DPH6: variants seen among roughly 807,000 people sequenced by gnomAD.
DPH6 encodes diphthamine biosynthesis 6, also known as diphthine--ammonia ligase.
A neutral mutation model predicts 38.2 loss-of-function variants in DPH6; 33 were observed. That is an observed-to-expected ratio of 0.86 (90% CI 0.65 to 1.15). The LOEUF (loss-of-function observed/expected upper bound fraction) is 1.15. Among genes scored for constraint, DPH6 ranks in the 50% most tolerant of loss-of-function variants. DPH6 has a pLI of 0.00. For synonymous variants in DPH6, 108 were observed against 103.0 expected (o/e 1.05, Z -0.30); for missense variants, 325 against 320.0 (o/e 1.02, Z -0.12).
chr15:35,369,296 A>C (rs16960826), downstream of DPH6, among the ~76,000 whole-genome samples: 50,265 of 151,630 alleles, frequency 0.33, 9,303 homozygotes, highest in African/African-American at 0.5. Context: ...GATTGATTTT[A>C]AGAGTGGTAT....
At chr15:35,539,039 C>T (rs768895274) in intron 2 of DPH6, among the ~76,000 whole-genome samples, 25 of 151,866 alleles carry the variant, frequency 1.6e-4, no homozygotes, top group Admixed American at 1.1e-3. Flanking sequence ...TACAAATGTG[C>T]ATAGAAATAT....
the DPH6 span, among the ~76,000 whole-genome samples, chr15:35,202,767 C>G: frequency 6.6e-6 from 1 of 151,730 alleles, no homozygotes; most frequent in Non-Finnish European, 1.5e-5. Flanking sequence ...TTTTCAGTAT[C>G]TGGTCATTCA....
At chr15:35,504,252 C>T (rs1212342152) in intron 3 of DPH6, among the ~76,000 whole-genome samples, 1 of 152,016 alleles carries the variant, frequency 6.6e-6, no homozygotes, top group Non-Finnish European at 1.5e-5. Context: ...AAATTACCTT[C>T]TCACTCCTAC....
rs148027150 is a variant in DPH6 at position 35,315,503 on chromosome 15, C to T, written n.200+58018G>A. On this transcript the variant is annotated intron_variant and non_coding_transcript_variant, in intron 3 of 3. Transcript: ENST00000560386. Reference sequence around the variant, plus strand: ...GCAACAGTGACATATTATCTCTCCCCGGTCCAAATGGTTTATGTCAAAAAG... The same window carrying T: ...GCAACAGTGACATATTATCTCTCCCTGGTCCAAATGGTTTATGTCAAAAAG... Among the ~76,000 whole-genome samples the T allele has an allele frequency of 5.5e-3, 844 of 152,278 alleles. 10 individuals are homozygous for T. Among genetic ancestry groups the T allele is most frequent in the African/African-American group, 0.019 (801 of 41,554 alleles).
chr15:35,491,869 T>C (rs1822121516), intron 3 of DPH6, among the ~76,000 whole-genome samples: 1 of 151,230 alleles, frequency 6.6e-6, no homozygotes, highest in South Asian at 2.1e-4. Context: ...TATATGTGTG[T>C]GTATATATAT....
chr15:35,214,510 T>C (rs187703511), downstream of DPH6, among the ~76,000 whole-genome samples: 98 of 152,346 alleles, frequency 6.4e-4, no homozygotes, highest in African/African-American at 2.3e-3. Context: ...GGATATACTG[T>C]TCTACTTTCA....
At chr15:35,460,937 C>T (rs555015787) in intron 3 of DPH6, among the ~76,000 whole-genome samples, 1 of 140,704 alleles carries the variant, frequency 7.1e-6, no homozygotes, top group African/African-American at 2.6e-5. Flanking sequence ...ATTACTAGAA[C>T]TATTTCCACA....
intron 3 of DPH6, among the ~76,000 whole-genome samples, chr15:35,297,064 A>C (rs1275674924): frequency 6.6e-6 from 1 of 152,052 alleles, no homozygotes; most frequent in Non-Finnish European, 1.5e-5. Flanking sequence ...ATCTAAGACT[A>C]ATCACTCCAC....
At chr15:35,315,929 A>G (rs1376106807) in intron 3 of DPH6, among the ~76,000 whole-genome samples, 1 of 152,184 alleles carries the variant, frequency 6.6e-6, no homozygotes, top group Non-Finnish European at 1.5e-5. Context: ...TAAGTGAAAT[A>G]AGCCAAGCCC....
rs774490655 is a variant in DPH6 at position 35,542,464 on chromosome 15, C to G, written c.67G>C (p.Ala23Pro). 4.1e-5 allele frequency: 65 copies of G among 1,580,562 alleles called. No homozygotes were observed. Among genetic ancestry groups the G allele is most frequent in the Non-Finnish European group, 5.1e-5 (59 of 1,153,986 alleles). Reference sequence around the variant, plus strand: ...GCTAAAGCAACGATCTGATGCCCAGCAGCAATGCACTGCATCATATTATAG... The same window carrying G: ...GCTAAAGCAACGATCTGATGCCCAGGAGCAATGCACTGCATCATATTATAG... ...SCYNMMQCIA[A>P]GHQIVALANL... The change falls in exon 2 of 9, where the codon GCT (alanine) becomes CCT (proline). Residue 23 changes from alanine (A) to proline (P), a missense_variant. Coordinates refer to ENST00000256538, the MANE Select transcript of DPH6 (RefSeq NM_080650.4).
chr15:35,347,766 C>A (rs1243198380), intron 3 of DPH6, among the ~76,000 whole-genome samples: 1 of 151,764 alleles, frequency 6.6e-6, no homozygotes, highest in Non-Finnish European at 1.5e-5. Context: ...ACATTCTCAC[C>A]AAAGTGCATG....
intron 5 of DPH6, among the ~76,000 whole-genome samples, chr15:35,419,290 A>G (rs1419369819): frequency 6.6e-6 from 1 of 152,132 alleles, no homozygotes; most frequent in African/African-American, 2.4e-5. Flanking sequence ...ACAGATAAGA[A>G]GACTGGTCAT....
chr15:35,334,031 C>A (rs1483249534), intron 3 of DPH6, among the ~76,000 whole-genome samples: 1 of 152,046 alleles, frequency 6.6e-6, no homozygotes, highest in Non-Finnish European at 1.5e-5. Context: ...AACAGAAAAC[C>A]AAACACGGAT....
downstream of DPH6, among the ~76,000 whole-genome samples, chr15:35,367,865 A>G (rs950262733): frequency 2.0e-5 from 3 of 150,980 alleles, no homozygotes; most frequent in Non-Finnish European, 3.0e-5. Flanking sequence ...AGATAAATGG[A>G]AAAAAAAATA....
chr15:35,181,917 GT>G, the DPH6 span: 1 of 152,030 alleles, frequency 6.6e-6, no homozygotes, highest in Admixed American at 6.6e-5. Context: ...ATATACCTTT[GT>G]TTAATGATAT....
intron 5 of DPH6, among the ~76,000 whole-genome samples, chr15:35,423,478 T>A (rs958134049): frequency 3.3e-5 from 5 of 151,738 alleles, no homozygotes; most frequent in African/African-American, 9.7e-5. Flanking sequence ...GTAAATATTG[T>A]TTTTCACTCC....
At chr15:35,352,062 T>C (rs370726480) in intron 3 of DPH6, among the ~76,000 whole-genome samples, 1 of 152,188 alleles carries the variant, frequency 6.6e-6, no homozygotes, top group Non-Finnish European at 1.5e-5. Flanking sequence ...TGAAAAATAT[T>C]TGTGGATACA....
intron 7 of DPH6, among the ~76,000 whole-genome samples, chr15:35,380,290 C>G (rs1165301697): frequency 1.3e-5 from 2 of 152,222 alleles, no homozygotes; most frequent in Non-Finnish European, 2.9e-5. Flanking sequence ...TCTTTAACAG[C>G]ATGAGTAATT....
chr15:35,197,960 T>G, the DPH6 span, among the ~76,000 whole-genome samples: 45 of 152,236 alleles, frequency 3.0e-4, no homozygotes, highest in Middle Eastern at 3.4e-3. Flanking sequence ...CCTTTTTGCA[T>G]AGACGACTAG....
Sources: allele counts gnomAD v4.1 joint callset (sites outside exome capture counted in the v4.1 genomes callset), GRCh38; gene constraint gnomAD v4.1.1; transcripts MANE v1.5; gene names NCBI Gene and HGNC (gene_info 2026-07-23, HGNC 2026-07-21).